Variants in RAPGEF1 observed in about 807,000 individuals in gnomAD.
RAPGEF1 encodes Rap guanine nucleotide exchange factor 1.
Under a neutral mutation model 143.3 loss-of-function variants are expected in RAPGEF1, and 33 were observed. The ratio of observed to expected loss-of-function variants is 0.23; its 90% CI spans 0.17 to 0.31. RAPGEF1 has a LOEUF of 0.31. RAPGEF1 is among the 10% of genes least tolerant of loss of function. RAPGEF1 has a pLI of 1.00. For missense variants in RAPGEF1, 1,199 were observed against 1,645.4 expected (o/e 0.73, Z 4.69); for synonymous variants, 629 against 676.5 (o/e 0.93, Z 1.09).
intron 17 of RAPGEF1, among the ~76,000 whole-genome samples, chr9:131,594,808 A>AC: frequency 1.3e-5 from 2 of 152,008 alleles, no homozygotes; most frequent in East Asian, 3.9e-4. Context: ...TGTCTCAGGG[A>AC]CCCCTCCAGC....
intron 15 of RAPGEF1, among the ~76,000 whole-genome samples, chr9:131,601,681 G>C (rs1310737469): frequency 6.6e-6 from 1 of 152,154 alleles, no homozygotes; most frequent in African/African-American, 2.4e-5. Context: ...TGATGTGGGA[G>C]GATCGCTTGA....
At chr9:131,580,149 G>T in intron 26 of RAPGEF1, 114 bp downstream of exon 26, 1 of 1,361,490 alleles carries the variant, frequency 7.3e-7, no homozygotes, top group Non-Finnish European at 1.0e-6. Flanking sequence ...CTCAGCAGTG[G>T]CAGGTCCCTG....
intron 3 of RAPGEF1, among the ~76,000 whole-genome samples, chr9:131,644,860 T>C (rs552167129): frequency 1.3e-5 from 2 of 152,296 alleles, no homozygotes; most frequent in East Asian, 1.9e-4. Context: ...AAATGTTCAA[T>C]AGTAGAGGCT....
At chr9:131,619,469 G>A (rs1005783880) in intron 11 of RAPGEF1, among the ~76,000 whole-genome samples, 4 of 152,190 alleles carry the variant, frequency 2.6e-5, no homozygotes, top group African/African-American at 4.8e-5. Context: ...GAAGGAGGAC[G>A]AGGGGGCTGG....
At chr9:131,711,738 G>A (rs1366141308) in intron 1 of RAPGEF1, among the ~76,000 whole-genome samples, 2 of 152,186 alleles carry the variant, frequency 1.3e-5, no homozygotes, top group African/African-American at 4.8e-5. Context: ...TTAGTCAAAA[G>A]CACCAAAGTA....
At chr9:131,582,527 T>C in intron 25 of RAPGEF1, 78 bp downstream of exon 25, 1 of 1,080,146 alleles carries the variant, frequency 9.3e-7, no homozygotes, top group South Asian at 1.7e-5. Context: ...ATTTCTCTGC[T>C]GGAGCCTGAC....
intron 22 of RAPGEF1, among the ~76,000 whole-genome samples, chr9:131,585,170 G>A (rs1952506843): frequency 6.6e-6 from 1 of 152,194 alleles, no homozygotes; most frequent in Non-Finnish European, 1.5e-5. Flanking sequence ...ACTTGGAGGT[G>A]GTGCCGCACT....
intron 16 of RAPGEF1, 27 bp downstream of exon 16, chr9:131,598,172 C>T (rs1470978723): frequency 6.3e-7 from 1 of 1,594,688 alleles, no homozygotes; most frequent in Non-Finnish European, 8.6e-7. Context: ...GGCCAGGCTG[C>T]AAAGCCCCAG....
chr9:131,615,590 G>A (rs186474906), intron 12 of RAPGEF1, among the ~76,000 whole-genome samples: 15 of 152,334 alleles, frequency 9.8e-5, no homozygotes, highest in African/African-American at 3.6e-4. Flanking sequence ...GGGGAGGACT[G>A]GCTTTTCCTG....
chr9:131,682,395 T>C (rs903803222), intron 1 of RAPGEF1, among the ~76,000 whole-genome samples: 32 of 152,314 alleles, frequency 2.1e-4, no homozygotes, highest in African/African-American at 6.7e-4. Context: ...CTCCGTACAA[T>C]GTCTGTCAGT....
At chr9:131,657,374 C>T (rs1016798728) in intron 1 of RAPGEF1, among the ~76,000 whole-genome samples, 1 of 152,216 alleles carries the variant, frequency 6.6e-6, no homozygotes, top group Non-Finnish European at 1.5e-5. Flanking sequence ...CCACCAACTG[C>T]TCTCTTGCTA....
At chr9:131,678,212 A>G (rs1292321084) in intron 1 of RAPGEF1, among the ~76,000 whole-genome samples, 1 of 152,240 alleles carries the variant, frequency 6.6e-6, no homozygotes, top group Non-Finnish European at 1.5e-5. Flanking sequence ...ACTGCAACTG[A>G]GTTGTATTCG....
intron 1 of RAPGEF1, among the ~76,000 whole-genome samples, chr9:131,698,195 G>A (rs1834337918): frequency 6.6e-6 from 1 of 152,154 alleles, no homozygotes; most frequent in Admixed American, 6.5e-5. Context: ...AGTCCACCCT[G>A]ATTATGAGAT....
chr9:131,714,687 G>A (rs1420485048), intron 1 of RAPGEF1, among the ~76,000 whole-genome samples: 1 of 149,618 alleles, frequency 6.7e-6, no homozygotes, highest in Non-Finnish European at 1.5e-5. Flanking sequence ...CTGTCTTCTG[G>A]GGTCCTCTAG....
intron 1 of RAPGEF1, among the ~76,000 whole-genome samples, chr9:131,697,610 T>TGA (rs1279854932): frequency 1.3e-5 from 2 of 152,208 alleles, no homozygotes; most frequent in East Asian, 3.9e-4. Context: ...ACGGGTTTCC[T>TGA]AGGCGGACAT....
chr9:131,628,513 C>T lies in RAPGEF1; in HGVS notation c.1017+36G>A. On this transcript the variant is annotated intron_variant, in intron 8 of 26. Coordinates refer to ENST00000683357, the MANE Select transcript of RAPGEF1 (RefSeq NM_001377935.1). The surrounding 1 kb of genome is among the most constrained non-coding windows in gnomAD (Gnocchi z 5.7). Reference sequence around the variant, plus strand: ...ACATCCCTGAGCCCCCCACCCCCTCCCTGCCTTCCCATGCAGGGAACAGGG... The same window carrying T: ...ACATCCCTGAGCCCCCCACCCCCTCTCTGCCTTCCCATGCAGGGAACAGGG... 1.2e-6 allele frequency: 2 copies of T among 1,602,498 alleles called. No homozygotes were observed. Among genetic ancestry groups the T allele is most frequent in the Non-Finnish European group, 1.7e-6 (2 of 1,171,452 alleles).
intron 16 of RAPGEF1, 144 bp from the exon 17 acceptor site, chr9:131,596,517 AGTGTGGCTGCGCT>A: frequency 1.2e-6 from 1 of 835,698 alleles, no homozygotes; most frequent in Non-Finnish European, 1.9e-6. Flanking sequence ...GCCCAGGAGC[AGTGTGGCTGCGCT>A]GCGAAGCCAG....
In RAPGEF1 at chr9:131,619,830, G is replaced by A. The variant is rs573671737; in HGVS notation, c.1906-624C>T. Among the ~76,000 whole-genome samples the A allele has an allele frequency of 3.2e-4, 49 of 152,324 alleles. 1 individual carries two copies. Among genetic ancestry groups the A allele is most frequent in the African/African-American group, 1.2e-3 (48 of 41,576 alleles). On this transcript the variant is annotated intron_variant, in intron 11 of 26. Coordinates refer to ENST00000683357, the MANE Select transcript of RAPGEF1 (RefSeq NM_001377935.1). ...TTTTTGTCTGTGAAGTGTGGATAAC[G>A]CTTCCTGCATCTGCATTTGAGAGAG... is the stretch of plus-strand genomic sequence containing the variant.
chr9:131,625,030 C>G (rs1541053), intron 10 of RAPGEF1, among the ~76,000 whole-genome samples: 32,361 of 152,266 alleles, frequency 0.21, 4,135 homozygotes, highest in Non-Finnish European at 0.29. Flanking sequence ...CAGCTCTAAG[C>G]TGGGCTCAGA....
Sources: gnomAD v4.1 joint callset for allele counts (sites outside exome capture counted in the v4.1 genomes callset) on GRCh38, gnomAD v4.1.1 for gene constraint, Gnocchi (gnomAD v3.1) non-coding constraint, MANE v1.5 for transcripts, NCBI Gene and HGNC (gene_info 2026-07-23, HGNC 2026-07-21) for gene names.